The following CCDC141 variants were observed in gnomAD, a reference collection of about 807,000 sequenced individuals.
The protein encoded by CCDC141 is coiled-coil domain containing 141, also known as coiled-coil domain-containing protein 141.
Under a neutral mutation model 181.0 loss-of-function variants are expected in CCDC141, and 168 were observed. That is an observed-to-expected ratio of 0.93 (90% CI 0.82 to 1.05). CCDC141 has a LOEUF of 1.05. CCDC141 is among the 50% of genes least tolerant of loss of function. The pLI is 0.00. For synonymous variants in CCDC141, 666 were observed against 642.3 expected (o/e 1.04, Z -0.56); for missense variants, 1,902 against 1,788.5 (o/e 1.06, Z -1.14).
chr2:178,972,821 AC>A (rs1212158653), intron 4 of CCDC141, among the ~76,000 whole-genome samples: 2 of 152,206 alleles, frequency 1.3e-5, no homozygotes, highest in East Asian at 1.9e-4. Context: ...AGAAATATCA[AC>A]CCATTAATCC....
At chr2:178,961,549 ACT>A in intron 4 of CCDC141, 66 bp from the exon 5 acceptor site, 2 of 1,175,560 alleles carry the variant, frequency 1.7e-6, no homozygotes, top group South Asian at 1.7e-5. Context: ...CAATATTCAG[ACT>A]CTTCATAATT....
At chr2:178,935,406 A>C (rs1279395397) in intron 6 of CCDC141, among the ~76,000 whole-genome samples, 1 of 152,222 alleles carries the variant, frequency 6.6e-6, no homozygotes, top group Admixed American at 6.5e-5. Flanking sequence ...TAGTTTGCTA[A>C]GGATAATAGC....
rs1024680793 is a variant in CCDC141, at chr2:178,966,181, T to C, written c.527-4698A>G. 7.2e-5 allele frequency among the ~76,000 whole-genome samples: 11 copies of C among 152,218 alleles called. No homozygotes were observed. In the East Asian group the frequency reaches 1.9e-3, roughly 27 times the overall value. On this transcript the variant is annotated intron_variant, in intron 4 of 23. Coordinates refer to ENST00000443758, the MANE Select transcript of CCDC141 (RefSeq NM_173648.4). ...GAGCACCTGGGGAAAGGGGCGCCTA[T>C]GGGCGAAGCTTCAGCAGACTTGAAC...
At position 178,834,177 on chromosome 2, in the gene CCDC141, T is replaced by C. The variant is rs1350837063; in HGVS notation, c.4589A>G (p.Gln1530Arg). The C allele has an allele frequency of 2.0e-6, 3 of 1,535,226 alleles. No homozygotes were observed. The highest frequency in any genetic ancestry group is 2.4e-5 in the East Asian group (1 of 40,904). Reference sequence around the variant, plus strand: ...CCATTGGTGCCAACACCACAGTTATTGTGTGAGGAGCCAGTACATTAGGGA... The same window carrying C: ...CCATTGGTGCCAACACCACAGTTATCGTGTGAGGAGCCAGTACATTAGGGA... ...SVSLMYWLLT[Q>R] Residue 1530 changes from glutamine (Q) to arginine (R), a missense_variant, in exon 24 of 24, where the codon CAA becomes CGA. Physicochemically the swap from Gln to Arg is conservative, Grantham distance 43 (BLOSUM62 1). Transcript: ENST00000443758.
intron 2 of CCDC141, among the ~76,000 whole-genome samples, chr2:179,019,021 G>A (rs1410729076): frequency 6.6e-6 from 1 of 152,054 alleles, no homozygotes; most frequent in Non-Finnish European, 1.5e-5. Context: ...GCCAGACCAT[G>A]GCCCTCTTCT....
chr2:178,897,263 G>A (rs4894062), intron 8 of CCDC141, among the ~76,000 whole-genome samples: 68,546 of 151,968 alleles, frequency 0.45, 16,116 homozygotes, highest in Admixed American at 0.57. Context: ...CACTTCACCT[G>A]TCACATTCGA....
intron 2 of CCDC141, among the ~76,000 whole-genome samples, chr2:178,993,217 C>A (rs1403241811): frequency 6.6e-6 from 1 of 152,052 alleles, no homozygotes; most frequent in Non-Finnish European, 1.5e-5. Flanking sequence ...CCTAGCATTA[C>A]CTAATAAAAG....
chr2:178,921,991 G>C (rs139145889), intron 6 of CCDC141, among the ~76,000 whole-genome samples: 28 of 152,312 alleles, frequency 1.8e-4, no homozygotes, highest in African/African-American at 6.5e-4. Flanking sequence ...AGAACTTTCT[G>C]TGCGATTAGG....
chr2:178,825,204 T>A (rs1348097578), downstream of CCDC141: 4 of 152,198 alleles, frequency 2.6e-5, no homozygotes, highest in Non-Finnish European at 5.9e-5. Context: ...ATACTACTTT[T>A]AAAGGTGTAA....
Position 178,837,445 on chromosome 2 carries a change from T to A in CCDC141, c.3774A>T (p.Pro1258=), listed in dbSNP as rs758757113. 1 of 1,614,080 alleles carries A rather than the reference T, an allele frequency of 6.2e-7. No homozygotes were observed. Among genetic ancestry groups the A allele is most frequent in the Admixed American group, 1.7e-5 (1 of 60,008 alleles). ...SYGVQAGTSS[P]GDAQESVLPP... is the part of the protein sequence containing the mutation. ...GAAGAACAGATTCCTGGGCATCCCCTGGGCTGCTGGTCCCAGCCTGCACCC... is the reference window on the plus strand; with the variant it reads ...GAAGAACAGATTCCTGGGCATCCCCAGGGCTGCTGGTCCCAGCCTGCACCC... Residue 1258 remains proline (P), a synonymous_variant, in exon 23 of 24, where the codon CCA becomes CCT. Transcript: ENST00000443758.
intron 2 of CCDC141, among the ~76,000 whole-genome samples, chr2:179,005,783 T>A (rs1461915468): frequency 6.6e-6 from 1 of 152,192 alleles, no homozygotes; most frequent in African/African-American, 2.4e-5. Flanking sequence ...TTAATGTTTG[T>A]ATTTTTTTGT....
At chr2:178,820,980 C>T in the CCDC141 span, among the ~76,000 whole-genome samples, 12 of 152,144 alleles carry the variant, frequency 7.9e-5, no homozygotes, top group Non-Finnish European at 1.3e-4. Context: ...TACCACTATG[C>T]ATTTTTATAA....
At chr2:178,928,947 T>C (rs1689003485) in intron 6 of CCDC141, among the ~76,000 whole-genome samples, 1 of 152,208 alleles carries the variant, frequency 6.6e-6, no homozygotes, top group Non-Finnish European at 1.5e-5. Flanking sequence ...ATGTTAGTAA[T>C]AAAATGATTT....
intron 5 of CCDC141, among the ~76,000 whole-genome samples, chr2:178,948,596 C>T (rs775082390): frequency 6.6e-6 from 1 of 152,068 alleles, no homozygotes; most frequent in African/African-American, 2.4e-5. Context: ...GAAATTTGAT[C>T]CCCAGTGTTG....
At chr2:179,021,080 C>A (rs894589532) in intron 2 of CCDC141, among the ~76,000 whole-genome samples, 5 of 152,068 alleles carry the variant, frequency 3.3e-5, no homozygotes, top group Non-Finnish European at 7.4e-5. Context: ...TAATAGTAAC[C>A]AAAATGTAAG....
At chr2:179,027,310 A>G (rs1352582642) in intron 2 of CCDC141, among the ~76,000 whole-genome samples, 1 of 152,132 alleles carries the variant, frequency 6.6e-6, no homozygotes. Context: ...CACTGTTCTC[A>G]TGATAGTGAA....
rs199994228 is a variant in CCDC141, at chr2:179,049,589, C to CTT, written c.102+249_102+250dup. 2.7e-3 allele frequency among the ~76,000 whole-genome samples: 365 copies of CTT among 135,574 alleles called. 1 individual carries two copies. Among genetic ancestry groups the CTT allele is most frequent in the African/African-American group, 8.5e-3 (317 of 37,134 alleles). The allele number at this position is 135,574 out of a possible 152,430, so 88.9% of individuals were successfully genotyped here. A position where few individuals can be genotyped will look rare whatever the true frequency, so the allele number is the denominator to read the frequency against. On this transcript the variant is annotated intron_variant, in intron 1 of 23. Coordinates refer to ENST00000443758, the MANE Select transcript of CCDC141 (RefSeq NM_173648.4). ...TCTTTTCTTTATTTTTCTTTCTTTTCTTTTTTTTTTTTTTTTTAAATCAAG... is the reference window on the plus strand; with the variant it reads ...TCTTTTCTTTATTTTTCTTTCTTTTCTTTTTTTTTTTTTTTTTTTAAATCAAG...
chr2:178,982,644 C>G (rs58993005), intron 2 of CCDC141, among the ~76,000 whole-genome samples: 71,105 of 151,860 alleles, frequency 0.47, 17,317 homozygotes, highest in East Asian at 0.71. Flanking sequence ...GAGGCACTGC[C>G]TCCCTCGGGA....
At chr2:178,866,467 AC>A (rs1685856416) in intron 16 of CCDC141, among the ~76,000 whole-genome samples, 1 of 152,364 alleles carries the variant, frequency 6.6e-6, no homozygotes, top group African/African-American at 2.4e-5. Context: ...CTGGCAAAAA[AC>A]CAATTCCATT....
Sources: gnomAD v4.1 joint callset for allele counts (sites outside exome capture counted in the v4.1 genomes callset) on GRCh38, gnomAD v4.1.1 for gene constraint, MANE v1.5 for transcripts, NCBI Gene and HGNC (gene_info 2026-07-23, HGNC 2026-07-21) for gene names.